Variants in SLC25A31 observed in about 807,000 individuals in gnomAD.
The protein encoded by SLC25A31 is solute carrier family 25 member 31.
SLC25A31 carries 40 observed loss-of-function variants against 36.2 expected under a neutral mutation model. The observed-to-expected ratio is 1.10, with a 90% confidence interval of 0.86 to 1.44. SLC25A31 has a LOEUF of 1.44. Among genes scored for constraint, SLC25A31 ranks in the 40% most tolerant of loss-of-function variants. The pLI, the probability that SLC25A31 is intolerant of heterozygous loss-of-function variation, is 0.00. For synonymous variants in SLC25A31, 143 were observed against 149.7 expected, an observed-to-expected ratio of 0.96 and a Z score of 0.32; for missense variants, 350 against 397.1, an observed-to-expected ratio of 0.88 and a Z score of 1.01.
chr4:127,763,026 G>A (rs187955460), intron 2 of SLC25A31, among the ~76,000 whole-genome samples: 4 of 151,730 alleles, frequency 2.6e-5, no homozygotes, highest in Admixed American at 2.6e-4. Flanking sequence ...TAAAAAATAA[G>A]AGTCTGTGCA....
At chr4:127,734,448 T>C (rs1346643006) in intron 1 of SLC25A31, among the ~76,000 whole-genome samples, 2 of 149,174 alleles carry the variant, frequency 1.3e-5, no homozygotes, top group African/African-American at 5.0e-5. Context: ...TAGTCCCAGC[T>C]ACCTGGGAAG....
chr4:127,766,053 T>G (rs1391556289), intron 3 of SLC25A31, among the ~76,000 whole-genome samples: 1 of 151,664 alleles, frequency 6.6e-6, no homozygotes, highest in Non-Finnish European at 1.5e-5. Context: ...ACTGGAAAAA[T>G]ATGACCCCTT....
intron 2 of SLC25A31, among the ~76,000 whole-genome samples, chr4:127,750,213 T>TAGC (rs147866773): frequency 6.6e-6 from 1 of 151,706 alleles, no homozygotes; most frequent in East Asian, 1.9e-4. Context: ...AGACAATAAA[T>TAGC]AACATGAAAA....
At chr4:127,730,948 T>A (rs545743252) in intron 1 of SLC25A31, among the ~76,000 whole-genome samples, 171 bp downstream of exon 1, 2 of 152,326 alleles carry the variant, frequency 1.3e-5, no homozygotes, top group East Asian at 3.9e-4. Context: ...CCTAACAGGC[T>A]CTGCTTTTCC....
chr4:127,766,491 T>C (rs1732247739), intron 3 of SLC25A31, among the ~76,000 whole-genome samples: 1 of 151,634 alleles, frequency 6.6e-6, no homozygotes, highest in Non-Finnish European at 1.5e-5. Flanking sequence ...AGTGTTTCTT[T>C]GTTTTGTTTT....
intron 2 of SLC25A31, among the ~76,000 whole-genome samples, chr4:127,760,884 A>G (rs980498908): frequency 6.6e-6 from 1 of 152,154 alleles, no homozygotes; most frequent in Non-Finnish European, 1.5e-5. Context: ...CTAAAAATAC[A>G]AAAAATTAGC....
intron 1 of SLC25A31, among the ~76,000 whole-genome samples, chr4:127,734,023 AGTTG>A: frequency 6.6e-6 from 1 of 152,300 alleles, no homozygotes; most frequent in Non-Finnish European, 1.5e-5. Flanking sequence ...TATATTCTTT[AGTTG>A]GTTTTATCAC....
chr4:127,744,016 GA>G (rs1560632976), intron 1 of SLC25A31, among the ~76,000 whole-genome samples: 1 of 152,108 alleles, frequency 6.6e-6, no homozygotes, highest in Non-Finnish European at 1.5e-5. Context: ...ATATCATAAG[GA>G]TAGTTCTGAA....
intron 2 of SLC25A31, among the ~76,000 whole-genome samples, chr4:127,754,537 TAA>T (rs35065040): frequency 0.046 from 6,775 of 146,094 alleles, 368 homozygotes; most frequent in East Asian, 0.27. Flanking sequence ...ACAATAGCTT[TAA>T]AAAAAAAAAA....
At chr4:127,755,988 G>A (rs187974064) in intron 2 of SLC25A31, among the ~76,000 whole-genome samples, 56 of 151,596 alleles carry the variant, frequency 3.7e-4, no homozygotes, top group East Asian at 9.7e-4. Context: ...AGCCGAGATC[G>A]CGCCATTGCG....
At chr4:127,753,885 C>A (rs1361465554) in intron 2 of SLC25A31, among the ~76,000 whole-genome samples, 1 of 152,074 alleles carries the variant, frequency 6.6e-6, no homozygotes, top group Non-Finnish European at 1.5e-5. Context: ...AGGTCAGCGT[C>A]CCTAGTGAAC....
At chr4:127,752,749 G>A (rs953950454) in intron 2 of SLC25A31, among the ~76,000 whole-genome samples, 14 of 152,202 alleles carry the variant, frequency 9.2e-5, no homozygotes, top group Admixed American at 2.6e-4. Context: ...ACTCTACATC[G>A]GAGCACCTAA....
rs111617365 is a variant in SLC25A31 at position 127,732,244 on chromosome 4, T to G, written c.232+1467T>G. On this transcript the variant is annotated intron_variant, in intron 1 of 5. Coordinates refer to ENST00000281154, the MANE Select transcript of SLC25A31 (RefSeq NM_031291.4). ...AGTCCTGTTCTAGGGCCAGATACTG[T>G]CCCATTTAAAAAAGCACCTTGTACC... 4.0e-3 allele frequency among the ~76,000 whole-genome samples: 605 copies of G among 152,282 alleles called. 8 individuals carry two copies. Among genetic ancestry groups the G allele is most frequent in the African/African-American group, 0.014 (581 of 41,562 alleles).
At chr4:127,735,729 A>ATG (rs1731611713) in intron 1 of SLC25A31, among the ~76,000 whole-genome samples, 1 of 149,982 alleles carries the variant, frequency 6.7e-6, no homozygotes, top group Admixed American at 6.7e-5. Flanking sequence ...TAATTTATTA[A>ATG]TGTATACTAT....
chr4:127,750,639 TAG>T (rs1731913363), intron 2 of SLC25A31, among the ~76,000 whole-genome samples: 1 of 152,200 alleles, frequency 6.6e-6, no homozygotes, highest in South Asian at 2.1e-4. Context: ...AGTAAACGTG[TAG>T]AGTTTTTATG....
chr4:127,737,090 A>T (rs951941766), intron 1 of SLC25A31, among the ~76,000 whole-genome samples: 3 of 152,250 alleles, frequency 2.0e-5, no homozygotes, highest in African/African-American at 7.2e-5. Flanking sequence ...AAGGTACAGC[A>T]GAGGCAAAGA....
chr4:127,760,835 C>T (rs1732113310), intron 2 of SLC25A31, among the ~76,000 whole-genome samples: 1 of 152,044 alleles, frequency 6.6e-6, no homozygotes, highest in Admixed American at 6.6e-5. Context: ...GTCAGGAGAT[C>T]AAGACCATCC....
chr4:127,747,665 G>A (rs1731849467), intron 2 of SLC25A31, among the ~76,000 whole-genome samples: 1 of 152,128 alleles, frequency 6.6e-6, no homozygotes, highest in South Asian at 2.1e-4. Flanking sequence ...GATTACTTGT[G>A]AAATGCATAG....
chr4:127,765,413 C>G (rs1272529827), intron 3 of SLC25A31, among the ~76,000 whole-genome samples: 1 of 152,172 alleles, frequency 6.6e-6, no homozygotes, highest in East Asian at 1.9e-4. Flanking sequence ...TTGTAGATTT[C>G]ATTCTGTCAT....
Sources: allele counts gnomAD v4.1 joint callset (sites outside exome capture counted in the v4.1 genomes callset), GRCh38; gene constraint gnomAD v4.1.1; transcripts MANE v1.5; gene names NCBI Gene and HGNC (gene_info 2026-07-23, HGNC 2026-07-21).